Variants in DUSP15 observed in about 807,000 individuals in gnomAD.
The protein encoded by DUSP15 is dual specificity protein phosphatase 15.
A neutral mutation model predicts 26.3 loss-of-function variants in DUSP15; 23 were observed. The ratio of observed to expected loss-of-function variants is 0.87; its 90% confidence interval spans 0.63 to 1.24. DUSP15 has a LOEUF of 1.24. Ranked by LOEUF, DUSP15 falls within the 50% of genes most tolerant of loss-of-function variation. DUSP15 has a pLI of 0.00. For synonymous variants in DUSP15, 143 were observed against 135.5 expected, an observed-to-expected ratio of 1.06 and a Z score of -0.39; for missense variants, 364 against 320.6, an observed-to-expected ratio of 1.14 and a Z score of -1.03.
At chr20:31,859,238 T>C (rs754197519), downstream of DUSP15, among the ~76,000 whole-genome samples, 5 of 150,472 alleles carry the variant, frequency 3.3e-5, 1 homozygote, top group Non-Finnish European at 7.4e-5. Context: ...CTTTGTGGAT[T>C]CTTGGTGGGG....
At chr20:31,845,653 C>A, downstream of DUSP15, 1 of 1,367,184 alleles carries the variant, frequency 7.3e-7, no homozygotes, top group Non-Finnish European at 9.9e-7. Context: ...GCCCAGCCTC[C>A]CAGCCTGGAA....
At position 31,861,616 on chromosome 20, in the gene DUSP15, C is replaced by A. The variant is rs764786243; in HGVS notation, c.495G>T (p.Leu165Phe). ...GCTTGCACAGCGGCAGCAGCGCGCG[C>A]AACTCCTCCTCGTCGCGGAAGGGGC... ...GESPFRDEEE[L>F]RALLPLCKRC... is the part of the protein sequence containing the mutation. Residue 165 changes from leucine to phenylalanine, a missense_variant, in exon 7 of 7, where the codon TTG becomes TTT. Transcript: ENST00000339738. 1 of 1,398,234 alleles carries A rather than the reference C, an allele frequency of 7.2e-7. No homozygotes were observed. The allele number at this position is 1,398,234 out of a possible 1,614,324, so 86.6% of individuals were successfully genotyped here. A position where few individuals can be genotyped will look rare whatever the true frequency, so the allele number is the denominator to read the frequency against.
In DUSP15 at chr20:31,861,219, A is replaced by C; in HGVS notation, c.*184T>G. The C allele has an allele frequency of 1.5e-6, 2 of 1,330,762 alleles. No homozygotes were observed. The highest frequency in any genetic ancestry group is 1.9e-6 in the Non-Finnish European group (2 of 1,045,622). The allele number at this position is 1,330,762 out of a possible 1,614,324, so 82.4% of individuals were successfully genotyped here. A position where few individuals can be genotyped will look rare whatever the true frequency, so the allele number is the denominator to read the frequency against. ...GTGGCTGCAGCAGGCCGGCCCGGAC[A>C]CAGAGACGCACAGGTTGGGGACGCT... On this transcript the variant is annotated 3_prime_UTR_variant, in exon 7 of 7. Transcript: ENST00000339738.
intron 7 of DUSP15, among the ~76,000 whole-genome samples, chr20:31,850,270 G>C (rs1310232367): frequency 6.6e-6 from 1 of 152,220 alleles, no homozygotes; most frequent in East Asian, 1.9e-4. Context: ...TCAGTGGTTA[G>C]GGTTGTGGGC....
Position 31,870,187 on chromosome 20 carries a change from G to T in DUSP15, c.21+130C>A. The T allele has an allele frequency of 1.6e-6, 2 of 1,225,784 alleles. No individual in the cohort carries two copies. The highest frequency in any genetic ancestry group is 4.2e-5 in the South Asian group (1 of 23,992). The allele number at this position is 1,225,784 out of a possible 1,614,324, so 75.9% of individuals were successfully genotyped here. A position where few individuals can be genotyped will look rare whatever the true frequency, so the allele number is the denominator to read the frequency against. On this transcript the variant is annotated intron_variant, in intron 1 of 6. Coordinates refer to ENST00000339738, the MANE Select transcript of DUSP15 (RefSeq NM_080611.5). The surrounding 1 kb of genome is among the most constrained non-coding windows in gnomAD (Gnocchi z 6.6). ...GACAGCCGCGGTCTCGAGTCACAGG[G>T]ACACGGAGATGCCGCCGCACGGAGA...
intron 6 of DUSP15, 22 bp from the exon 7 acceptor site, chr20:31,861,697 G>T: frequency 1.4e-5 from 19 of 1,314,654 alleles, no homozygotes; most frequent in South Asian, 3.0e-5. Flanking sequence ...GGGTGAGGTG[G>T]GCGGGGTCAA....
Position 31,863,928 on chromosome 20 carries a change from C to G in DUSP15, c.242G>C (p.Gly81Ala), listed in dbSNP as rs747601087. 1.9e-6 allele frequency: 3 copies of G among 1,613,954 alleles called. No homozygotes were observed. Among genetic ancestry groups the G allele is most frequent in the African/African-American group, 2.7e-5 (2 of 74,898 alleles). The change falls in exon 5 of 7, where the codon GGG becomes GCG. Residue 81 changes from glycine to alanine, a missense_variant. Gly to Ala is a moderately conservative substitution (Grantham distance 60). Coordinates refer to ENST00000339738, the MANE Select transcript of DUSP15 (RefSeq NM_080611.5). ...INFIHCCRLNGGNCLVHCFAG... is the reference protein window; with the variant it reads ...INFIHCCRLNAGNCLVHCFAG... ...TCACCAGTGCACAAGGCAGTTCCCC[C>G]CATTAAGGCGGCAGCAGTGGATGAA...
chr20:31,870,577 C>T, upstream of DUSP15: 3 of 1,452,734 alleles, frequency 2.1e-6, no homozygotes, highest in South Asian at 4.2e-5. The surrounding 1 kb of genome is among the most constrained non-coding windows in gnomAD (Gnocchi z 6.6). Flanking sequence ...TCCTCCTACC[C>T]CTTCGGTCAT....
At chr20:31,854,333 GGT>G (rs1223899785) in intron 6 of DUSP15, among the ~76,000 whole-genome samples, 6 of 152,200 alleles carry the variant, frequency 3.9e-5, no homozygotes, top group Admixed American at 3.9e-4. Flanking sequence ...AATGTCTGTA[GGT>G]GTCAATACCA....
At chr20:31,869,744 C>A in intron 1 of DUSP15, 147 bp from the exon 2 acceptor site, 2 of 1,492,284 alleles carry the variant, frequency 1.3e-6, no homozygotes, top group East Asian at 2.5e-5. Flanking sequence ...TTTTGTGGGC[C>A]CTGAGTCCTC....
chr20:31,863,815 A>C, intron 5 of DUSP15, 92 bp downstream of exon 5: 1 of 1,306,034 alleles, frequency 7.7e-7, no homozygotes, highest in Non-Finnish European at 1.1e-6. Flanking sequence ...GATCCCTCAC[A>C]GGTCCAACCT....
In DUSP15 at chr20:31,861,559, G is replaced by C. The variant is rs1305890064; in HGVS notation, c.552C>G (p.Ser184=). Reference sequence around the variant, plus strand: ...AGGCTGCTGAGTGCGGCCCGGCGGAGGAGGCCGAGGTCGCGGAGCCCTGCC... The same window carrying C: ...AGGCTGCTGAGTGCGGCCCGGCGGACGAGGCCGAGGTCGCGGAGCCCTGCC... ...RCRQGSATSA[S]SAGPHSAASE... The change falls in exon 7 of 7, where the codon TCC becomes TCG. Residue 184 remains serine, a synonymous_variant. Transcript: ENST00000339738. 5.3e-6 allele frequency: 8 copies of C among 1,503,232 alleles called. No homozygotes were observed. Among genetic ancestry groups the C allele is most frequent in the Non-Finnish European group, 7.1e-6 (8 of 1,134,292 alleles). The allele number at this position is 1,503,232 out of a possible 1,614,324, so 93.1% of individuals were successfully genotyped here. A position where few individuals can be genotyped will look rare whatever the true frequency, so the allele number is the denominator to read the frequency against.
rs1235820453 is a variant in DUSP15, at chr20:31,865,686, C to T, written c.139-684G>A. On this transcript the variant is annotated intron_variant, in intron 3 of 6. Transcript: ENST00000339738. ...ACCACCAGCCAGGTTCTCATTTGTC[C>T]ATGGCTTTGTGTGAGATTCCAGCCC... Among the ~76,000 whole-genome samples the T allele has an allele frequency of 2.6e-5, 4 of 152,208 alleles. No homozygotes were observed. The East Asian group carries it at 7.7e-4, about 29-fold the overall frequency.
chr20:31,857,351 C>G (rs1384029562), downstream of DUSP15, among the ~76,000 whole-genome samples: 1 of 151,350 alleles, frequency 6.6e-6, no homozygotes, highest in African/African-American at 2.4e-5. Flanking sequence ...GAGACGGGCT[C>G]TCACTATGTT....
At chr20:31,849,542 TG>T in intron 8 of DUSP15, 1 of 935,630 alleles carries the variant, frequency 1.1e-6, no homozygotes, top group Non-Finnish European at 1.8e-6. Context: ...TCCTACCGCC[TG>T]GAGGAAGCCG....
downstream of DUSP15, among the ~76,000 whole-genome samples, chr20:31,856,248 A>G (rs1466591545): frequency 6.6e-6 from 1 of 152,174 alleles, no homozygotes; most frequent in Non-Finnish European, 1.5e-5. Flanking sequence ...GAAAGGAGCT[A>G]CAGTTGGGGA....
downstream of DUSP15, chr20:31,845,599 T>A (rs2062370496): frequency 2.5e-6 from 4 of 1,587,526 alleles, no homozygotes; most frequent in East Asian, 9.0e-5. Flanking sequence ...CTTCCAGGGC[T>A]GGCGTCCGGA....
At chr20:31,852,864 G>T (rs573518938) in intron 6 of DUSP15, among the ~76,000 whole-genome samples, 2 of 152,360 alleles carry the variant, frequency 1.3e-5, no homozygotes, top group East Asian at 1.9e-4. Flanking sequence ...CACTCTTGCA[G>T]CCCAGAAGGT....
At chr20:31,869,386 G>T (rs2062858971) in intron 2 of DUSP15, among the ~76,000 whole-genome samples, 178 bp downstream of exon 2, 1 of 152,216 alleles carries the variant, frequency 6.6e-6, no homozygotes, top group African/African-American at 2.4e-5. Context: ...CAAGCCTGGG[G>T]ACACTCGCCT....
Sources: gnomAD v4.1 joint callset for allele counts (sites outside exome capture counted in the v4.1 genomes callset) on GRCh38, gnomAD v4.1.1 for gene constraint, Gnocchi (gnomAD v3.1) non-coding constraint, MANE v1.5 for transcripts, NCBI Gene and HGNC (gene_info 2026-07-23, HGNC 2026-07-21) for gene names.